ZFHX3: variants seen among roughly 807,000 people sequenced by gnomAD.
ZFHX3 encodes zinc finger homeobox protein 3.
Under a neutral mutation model 279.1 loss-of-function variants are expected in ZFHX3, and 42 were observed. That is an observed-to-expected ratio of 0.15 (90% CI 0.12 to 0.19). The LOEUF (loss-of-function observed/expected upper bound fraction) is 0.19. Ranked by LOEUF, ZFHX3 falls within the 10% of genes least tolerant of loss-of-function variation. The probability of loss-of-function intolerance (pLI) is 1.00; values close to 1 mark genes in which losing one functional copy is unlikely to be tolerated. For missense variants in ZFHX3, 4,981 were observed against 4,754.0 expected (o/e 1.05, Z -1.40); for synonymous variants, 2,293 against 1,957.8 (o/e 1.17, Z -4.52).
At chr16:73,262,186 G>T (rs1233488677) in intron 4 of ZFHX3, among the ~76,000 whole-genome samples, 1 of 152,184 alleles carries the variant, frequency 6.6e-6, no homozygotes, top group African/African-American at 2.4e-5. Flanking sequence ...ATGAATGGAT[G>T]GATGGGTAAA....
At chr16:73,320,023 G>C (rs1316832607) in intron 3 of ZFHX3, among the ~76,000 whole-genome samples, 1 of 152,168 alleles carries the variant, frequency 6.6e-6, no homozygotes, top group Non-Finnish European at 1.5e-5. Context: ...TCTCCAGAGA[G>C]AGCTGGACAG....
At chr16:72,920,908 CA>C (rs1017706656) in intron 3 of ZFHX3, among the ~76,000 whole-genome samples, 2 of 151,584 alleles carry the variant, frequency 1.3e-5, no homozygotes, top group Non-Finnish European at 2.9e-5. Flanking sequence ...CCCATATCTA[CA>C]AAAAATAAAA....
chr16:73,246,104 A>G (rs964664120), intron 5 of ZFHX3, among the ~76,000 whole-genome samples: 2 of 152,124 alleles, frequency 1.3e-5, no homozygotes, highest in Admixed American at 1.3e-4. Context: ...TTTCTTGGTT[A>G]TGCTTCCAAC....
intron 1 of ZFHX3, among the ~76,000 whole-genome samples, chr16:73,847,447 C>T (rs13334234): frequency 6.8e-4 from 103 of 152,278 alleles, no homozygotes; most frequent in African/African-American, 2.3e-3. Flanking sequence ...GCACCCTTGG[C>T]AGGCATTTGT....
At chr16:73,196,253 T>C (rs1166600718) in intron 5 of ZFHX3, among the ~76,000 whole-genome samples, 5 of 151,854 alleles carry the variant, frequency 3.3e-5, no homozygotes, top group South Asian at 2.1e-4. Context: ...TCAGAAGCTC[T>C]ACCCCGAATG....
In ZFHX3 at chr16:73,216,703, C is replaced by T. The variant is rs529763432; in HGVS notation, c.-1104+40344G>A. Among the ~76,000 whole-genome samples, 45 of 151,912 alleles carry T rather than the reference C, an allele frequency of 3.0e-4. No individual in the cohort carries two copies. The South Asian group carries it at 4.6e-3, about 15-fold the overall frequency. On this transcript the variant is annotated intron_variant, in intron 5 of 17. Transcript: ENST00000641206. Reference sequence around the variant, plus strand: ...GCCTGAACTCAGGAGGCTGAGCTTGCGGTGAGCTGAGATCGCGCCACTGCA... The same window carrying T: ...GCCTGAACTCAGGAGGCTGAGCTTGTGGTGAGCTGAGATCGCGCCACTGCA...
At chr16:73,778,664 A>G (rs1363636384) in intron 1 of ZFHX3, among the ~76,000 whole-genome samples, 3 of 152,206 alleles carry the variant, frequency 2.0e-5, no homozygotes, top group Admixed American at 2.0e-4. Context: ...GCCTCTGCAC[A>G]GCGCTAAATT....
intron 1 of ZFHX3, among the ~76,000 whole-genome samples, chr16:73,046,629 CAG>C (rs1045628617): frequency 1.1e-4 from 16 of 152,106 alleles, no homozygotes; most frequent in Admixed American, 3.3e-4. Flanking sequence ...GGCAAGGAAA[CAG>C]AGTTTCCCCA....
chr16:73,653,771 T>C (rs2052694375), intron 2 of ZFHX3, among the ~76,000 whole-genome samples: 2 of 150,144 alleles, frequency 1.3e-5, no homozygotes, highest in Admixed American at 6.6e-5. Context: ...GGTGGTTCCT[T>C]GAAAGGAGTA....
intron 1 of ZFHX3, among the ~76,000 whole-genome samples, chr16:73,008,911 C>CGTGTGTGTGTGTGTGTGTGTGT (rs5817822): frequency 4.0e-5 from 6 of 149,606 alleles, no homozygotes; most frequent in African/African-American, 9.9e-5. Context: ...AAAGTATATA[C>CGTGTGTGTGTGTGTGTGTGTGT]GTGTGTGTGT....
intron 2 of ZFHX3, among the ~76,000 whole-genome samples, chr16:73,469,700 C>T (rs530969590): frequency 1.3e-5 from 2 of 152,070 alleles, no homozygotes; most frequent in Non-Finnish European, 2.9e-5. Context: ...TCACTGCAAC[C>T]TCTGCTGCCC....
chr16:73,066,808 C>G (rs1965761213), intron 8 of ZFHX3, among the ~76,000 whole-genome samples: 1 of 152,206 alleles, frequency 6.6e-6, no homozygotes, highest in Non-Finnish European at 1.5e-5. Context: ...TGGTGGTTCC[C>G]TTCTCTTTCC....
intron 3 of ZFHX3, among the ~76,000 whole-genome samples, chr16:72,941,187 G>C (rs551027538): frequency 5.5e-4 from 84 of 152,330 alleles, no homozygotes; most frequent in African/African-American, 1.9e-3. Flanking sequence ...TGACTGAAAA[G>C]TAAGTTTGAA....
At chr16:73,658,401 G>T (rs2052744530) in intron 2 of ZFHX3, among the ~76,000 whole-genome samples, 1 of 152,090 alleles carries the variant, frequency 6.6e-6, no homozygotes, top group South Asian at 2.1e-4. Flanking sequence ...TGCTTCCTGG[G>T]TTCAAGCAAT....
At chr16:73,462,492 T>C (rs1408384939) in intron 2 of ZFHX3, among the ~76,000 whole-genome samples, 2 of 152,184 alleles carry the variant, frequency 1.3e-5, no homozygotes, top group African/African-American at 4.8e-5. Flanking sequence ...GCCTTGTTCC[T>C]GGTTATAGCG....
intron 2 of ZFHX3, among the ~76,000 whole-genome samples, chr16:73,617,534 A>G (rs542791252): frequency 3.3e-5 from 5 of 152,384 alleles, no homozygotes; most frequent in African/African-American, 1.2e-4. Context: ...TTTTAGCAGT[A>G]AGATACATTT....
At chr16:73,620,801 T>C (rs912859264) in intron 2 of ZFHX3, among the ~76,000 whole-genome samples, 1 of 152,198 alleles carries the variant, frequency 6.6e-6, no homozygotes, top group African/African-American at 2.4e-5. Flanking sequence ...AAATCAAGAA[T>C]AAACATTTCA....
At chr16:73,622,402 C>T (rs2052371808) in intron 2 of ZFHX3, among the ~76,000 whole-genome samples, 1 of 152,044 alleles carries the variant, frequency 6.6e-6, no homozygotes. Flanking sequence ...ACTAGAAATA[C>T]AAAAATAAAA....
intron 3 of ZFHX3, among the ~76,000 whole-genome samples, chr16:73,455,815 G>C (rs192744550): frequency 7.3e-4 from 111 of 151,546 alleles, no homozygotes; most frequent in African/African-American, 2.6e-3. Context: ...ATTTTGGTTG[G>C]AGTGAGGGGG....
Sources: allele counts gnomAD v4.1 joint callset (sites outside exome capture counted in the v4.1 genomes callset), GRCh38; gene constraint gnomAD v4.1.1; transcripts MANE v1.5; gene names NCBI Gene and HGNC (gene_info 2026-07-23, HGNC 2026-07-21).